Variants in C8A observed in about 807,000 individuals in gnomAD.
C8A encodes complement component C8 alpha chain.
In C8A, 67 loss-of-function variants were observed where a neutral mutation model predicts 65.3. That is an observed-to-expected ratio of 1.03 (90% confidence interval 0.84 to 1.26). C8A has a LOEUF of 1.26. Ranked by LOEUF, C8A falls within the 50% of genes most tolerant of loss-of-function variation. C8A has a pLI of 0.00. For synonymous variants in C8A, 290 were observed against 259.4 expected, an observed-to-expected ratio of 1.12 and a Z score of -1.13; for missense variants, 781 against 723.9, an observed-to-expected ratio of 1.08 and a Z score of -0.90.
At chr1:56,897,417 T>C (rs1461495537) in intron 7 of C8A, among the ~76,000 whole-genome samples, 3 of 152,174 alleles carry the variant, frequency 2.0e-5, no homozygotes, top group Non-Finnish European at 4.4e-5. Flanking sequence ...GTGGTCTTAA[T>C]AGCAAATGCT....
At chr1:56,861,472 C>A (rs2101188383) in intron 1 of C8A, among the ~76,000 whole-genome samples, 1 of 152,260 alleles carries the variant, frequency 6.6e-6, no homozygotes, top group African/African-American at 2.4e-5. Flanking sequence ...CACTCACTAC[C>A]ACAAGAGCAG....
chr1:56,875,405 G>T (rs914974603), intron 3 of C8A, among the ~76,000 whole-genome samples: 3 of 152,150 alleles, frequency 2.0e-5, no homozygotes, highest in Non-Finnish European at 4.4e-5. Flanking sequence ...TGTTAATATA[G>T]ACATGAAAAA....
At chr1:56,880,944 C>T (rs1418450209) in intron 4 of C8A, among the ~76,000 whole-genome samples, 1 of 152,174 alleles carries the variant, frequency 6.6e-6, no homozygotes, top group East Asian at 1.9e-4. Flanking sequence ...TGTCTGGCTG[C>T]TGCCCTTGGA....
Position 56,868,715 on chromosome 1 carries a change from C to T in C8A, c.171+1013C>T, listed in dbSNP as rs983560576. On this transcript the variant is annotated intron_variant, in intron 2 of 10. Transcript: ENST00000361249. The stretch of plus-strand genomic sequence containing the variant: ...CAGACTCACATGCCTGTATCAGATG[C>T]TCCCTTCCCCACTCGGCATACCACT... Among the ~76,000 whole-genome samples, 5 of 152,290 alleles carry T rather than the reference C, an allele frequency of 3.3e-5. No individual in the cohort carries two copies. The East Asian group carries it at 7.7e-4, about 23-fold the overall frequency.
At chr1:56,881,126 C>T (rs1353200826) in intron 4 of C8A, among the ~76,000 whole-genome samples, 1 of 152,142 alleles carries the variant, frequency 6.6e-6, no homozygotes, top group East Asian at 1.9e-4. Flanking sequence ...CCTAAAGTGG[C>T]CCATAAGCTT....
intron 1 of C8A, among the ~76,000 whole-genome samples, chr1:56,864,596 G>T (rs1644066430): frequency 6.6e-6 from 1 of 152,126 alleles, no homozygotes; most frequent in Non-Finnish European, 1.5e-5. Flanking sequence ...GTTCAGAAGA[G>T]AAGATAATTA....
At chr1:56,894,823 G>C (rs1308529188) in intron 7 of C8A, among the ~76,000 whole-genome samples, 2 of 152,020 alleles carry the variant, frequency 1.3e-5, no homozygotes, top group Non-Finnish European at 2.9e-5. Context: ...AGAAAGTAAG[G>C]GGGTTTCTCT....
At chr1:56,897,837 T>C (rs937097181) in intron 7 of C8A, among the ~76,000 whole-genome samples, 2 of 152,158 alleles carry the variant, frequency 1.3e-5, no homozygotes, top group Non-Finnish European at 2.9e-5. Context: ...AAATGCTCAC[T>C]GAGCACCCGT....
intron 10 of C8A, among the ~76,000 whole-genome samples, chr1:56,915,913 C>A (rs1343524022): frequency 6.6e-6 from 1 of 152,136 alleles, no homozygotes; most frequent in Non-Finnish European, 1.5e-5. Context: ...GGGTATGTAC[C>A]AGTTCATGGT....
intron 9 of C8A, among the ~76,000 whole-genome samples, chr1:56,910,114 T>C (rs1557715925): frequency 6.6e-6 from 1 of 152,186 alleles, no homozygotes; most frequent in Non-Finnish European, 1.5e-5. Context: ...TAGGGGTTAT[T>C]TGGAGCCTGA....
rs1228972002 is a variant in C8A at position 56,881,557 on chromosome 1, AC to A, written c.579del (p.Cys194ValfsTer20). ...ATGGAGGGAGCTTCGATATGACTCC[AC>A]CTGTGAACGTCTCTACTATGGAGAT... is the stretch of plus-strand genomic sequence containing the variant. ...GEWRELRYDS[T>X]CERLYYGDDE... On this transcript the variant is annotated frameshift_variant, in exon 5 of 11. Transcript: ENST00000361249. LOFTEE classifies it high-confidence loss of function. 1.2e-5 allele frequency: 19 copies of A among 1,613,706 alleles called. No homozygotes were observed. The highest frequency in any genetic ancestry group is 1.6e-5 in the Non-Finnish European group (19 of 1,179,802).
chr1:56,908,669 A>G (rs1276846384), intron 9 of C8A, among the ~76,000 whole-genome samples: 2 of 152,202 alleles, frequency 1.3e-5, no homozygotes, highest in Non-Finnish European at 2.9e-5. Context: ...CATCCTCCAC[A>G]GTTATCTCAT....
At chr1:56,880,859 G>A (rs775657567) in intron 4 of C8A, among the ~76,000 whole-genome samples, 9 of 152,140 alleles carry the variant, frequency 5.9e-5, no homozygotes, top group Non-Finnish European at 1.3e-4. Context: ...TGACTAAACC[G>A]AGGCACAGAG....
intron 7 of C8A, among the ~76,000 whole-genome samples, chr1:56,890,742 G>A (rs1054474883): frequency 2.0e-5 from 3 of 152,002 alleles, no homozygotes; most frequent in Admixed American, 2.0e-4. Context: ...TTCTTTGCCG[G>A]AACCACCCTT....
chr1:56,872,480 A>G (rs1439647777), intron 2 of C8A, among the ~76,000 whole-genome samples: 1 of 152,184 alleles, frequency 6.6e-6, no homozygotes, highest in Non-Finnish European at 1.5e-5. Context: ...ATCTTAATTC[A>G]AGTAGAAAAT....
chr1:56,857,208 A>T (rs1317319948), intron 1 of C8A, among the ~76,000 whole-genome samples: 1 of 151,998 alleles, frequency 6.6e-6, no homozygotes, highest in Non-Finnish European at 1.5e-5. Context: ...GATTACTGAG[A>T]AAAGAATGTT....
Position 56,885,807 on chromosome 1 carries a change from C to G in C8A, c.856-120C>G, listed in dbSNP as rs1324756778. On this transcript the variant is annotated intron_variant, in intron 6 of 10. Transcript: ENST00000361249. Reference sequence around the variant, plus strand: ...CCTTGTGATCCTCCAGCTTCTGCCTCCCAAAATGCTGGGATTACAGGCATG... The same window carrying G: ...CCTTGTGATCCTCCAGCTTCTGCCTGCCAAAATGCTGGGATTACAGGCATG... 2.9e-6 allele frequency: 4 copies of G among 1,381,578 alleles called. No individual in the cohort carries two copies. The African/African-American group carries it at 4.3e-5, about 15-fold the overall frequency. The allele number at this position is 1,381,578 out of a possible 1,614,324, so 85.6% of individuals were successfully genotyped here.
chr1:56,875,199 G>T, intron 3 of C8A, 106 bp downstream of exon 3: 6 of 1,342,102 alleles, frequency 4.5e-6, no homozygotes, highest in Non-Finnish European at 6.2e-6. Flanking sequence ...CCTTCCTCTC[G>T]AGGTTGCCAT....
chr1:56,888,650 A>T (rs1032937177), intron 7 of C8A, among the ~76,000 whole-genome samples: 15 of 152,224 alleles, frequency 9.9e-5, no homozygotes, highest in Non-Finnish European at 2.2e-4. Context: ...CAAAATAAGT[A>T]GCTTACAATG....
Sources: allele counts gnomAD v4.1 joint callset (sites outside exome capture counted in the v4.1 genomes callset), GRCh38; gene constraint gnomAD v4.1.1; transcripts MANE v1.5; gene names NCBI Gene and HGNC (gene_info 2026-07-23, HGNC 2026-07-21).